NAPB: variants seen among roughly 807,000 people sequenced by gnomAD.
The protein encoded by NAPB is beta-soluble NSF attachment protein.
In NAPB, 26 loss-of-function variants were observed where a neutral mutation model predicts 44.7. The ratio of observed to expected loss-of-function variants is 0.58; its 90% CI spans 0.43 to 0.81. The LOEUF (loss-of-function observed/expected upper bound fraction) is 0.81. Among genes scored for constraint, NAPB ranks in the 30% least tolerant of loss-of-function variants. NAPB has a pLI of 0.00. For missense variants in NAPB, 315 were observed against 356.4 expected (o/e 0.88, Z 0.94); for synonymous variants, 120 against 116.8 (o/e 1.03, Z -0.18).
intron 8 of NAPB, chr20:23,380,624 G>C (rs1179095293): frequency 6.6e-6 from 1 of 152,562 alleles, no homozygotes; most frequent in Non-Finnish European, 1.5e-5. Flanking sequence ...ACAGGTTCAA[G>C]TGATTCTCCT....
chr20:23,397,348 T>C, intron 2 of NAPB, 160 bp from the exon 3 acceptor site: 1 of 831,976 alleles, frequency 1.2e-6, no homozygotes, highest in Non-Finnish European at 1.7e-6. Context: ...CGGGCAAATA[T>C]AAAAATAACC....
At chr20:23,407,440 TA>T (rs1985332637) in intron 1 of NAPB, among the ~76,000 whole-genome samples, 1 of 149,630 alleles carries the variant, frequency 6.7e-6, no homozygotes, top group Non-Finnish European at 1.5e-5. Flanking sequence ...TAAACTGAGC[TA>T]AATTAACTAT....
At chr20:23,383,928 T>C (rs989024738) in intron 7 of NAPB, among the ~76,000 whole-genome samples, 10 of 151,890 alleles carry the variant, frequency 6.6e-5, no homozygotes, top group Admixed American at 1.3e-4. Flanking sequence ...GAAAGGGAGG[T>C]AAGATTTCTA....
chr20:23,402,938 T>A, intron 2 of NAPB, 55 bp downstream of exon 2: 1 of 1,396,870 alleles, frequency 7.2e-7, no homozygotes, highest in Non-Finnish European at 1.0e-6. Flanking sequence ...CATTTCTCCC[T>A]TCAAAGTGAT....
Position 23,421,287 on chromosome 20 carries a change from G to C in NAPB, c.98+18C>G. 6.6e-7 allele frequency: 1 copy of C among 1,523,908 alleles called. No homozygotes were observed. The highest frequency in any genetic ancestry group is 8.9e-7 in the Non-Finnish European group (1 of 1,126,372). The allele number at this position is 1,523,908 out of a possible 1,614,324, so 94.4% of individuals were successfully genotyped here. A position where few individuals can be genotyped will look rare whatever the true frequency, so the allele number is the denominator to read the frequency against. On this transcript the variant is annotated intron_variant, in intron 1 of 10. Coordinates refer to ENST00000377026, the MANE Select transcript of NAPB (RefSeq NM_022080.3). The stretch of plus-strand genomic sequence containing the variant: ...CGGAGACCCCCCCCCCCCAGGGCAC[G>C]CACGGTCTGGCGCTCACCCAAACAG...
chr20:23,389,036 A>G (rs1460811363), intron 7 of NAPB, among the ~76,000 whole-genome samples: 4 of 152,076 alleles, frequency 2.6e-5, no homozygotes, highest in Non-Finnish European at 4.4e-5. Flanking sequence ...TATATAAAGA[A>G]CACCTAAAAC....
At position 23,395,237 on chromosome 20, in the gene NAPB, G is replaced by A. The variant is rs1422781597; in HGVS notation, c.296-52C>T. 3 of 1,592,138 alleles carry A rather than the reference G, an allele frequency of 1.9e-6. No homozygotes were observed. The Admixed American group carries it at 5.0e-5, about 27-fold the overall frequency. On this transcript the variant is annotated intron_variant, in intron 3 of 10. Transcript: ENST00000377026. ...AATGAAAAATCCATTCAGTCAAAGA[G>A]GGTTCAGGTGAGGCTGTCTTCCTGG...
intron 7 of NAPB, among the ~76,000 whole-genome samples, chr20:23,385,104 G>A (rs1232095443): frequency 6.6e-6 from 1 of 150,494 alleles, no homozygotes; most frequent in Non-Finnish European, 1.5e-5. Flanking sequence ...AGGAGACAGA[G>A]CAAGACTCTG....
intron 7 of NAPB, 57 bp downstream of exon 7, chr20:23,389,889 T>G: frequency 6.6e-7 from 1 of 1,506,122 alleles, no homozygotes; most frequent in Non-Finnish European, 9.1e-7. Flanking sequence ...AATAAAAAGT[T>G]TAATTTTGAA....
chr20:23,400,161 G>A (rs971609587), intron 2 of NAPB, among the ~76,000 whole-genome samples: 1 of 152,068 alleles, frequency 6.6e-6, no homozygotes, highest in South Asian at 2.1e-4. Context: ...CGAGTTGCTG[G>A]CTTACTTTTT....
rs1261587337 is a variant in NAPB at position 23,395,183 on chromosome 20, C to A, written c.298G>T (p.Ala100Ser). 3 of 1,614,118 alleles carry A rather than the reference C, an allele frequency of 1.9e-6. No individual in the cohort carries two copies. In the South Asian group the frequency reaches 3.3e-5, roughly 18 times the overall value. The change falls in exon 4 of 11, where the codon GCT becomes TCT. Residue 100 changes from alanine (A) to serine (S), a missense_variant and splice_region_variant. Coordinates refer to ENST00000377026, the MANE Select transcript of NAPB (RefSeq NM_022080.3). ...NAYKKADPQE[A>S]INCLNAAIDI... Reference sequence around the variant, plus strand: ...ATGGCTGCATTTAAGCAGTTGATAGCCTCTGAAGCGTAGGCATTTAAGAAA... The same window carrying A: ...ATGGCTGCATTTAAGCAGTTGATAGACTCTGAAGCGTAGGCATTTAAGAAA...
At chr20:23,381,592 C>A (rs78361113) in intron 7 of NAPB, among the ~76,000 whole-genome samples, 38 of 152,288 alleles carry the variant, frequency 2.5e-4, no homozygotes, top group African/African-American at 8.9e-4. Flanking sequence ...CTAAGCACTA[C>A]TAAAAGCCCA....
intron 7 of NAPB, among the ~76,000 whole-genome samples, chr20:23,389,698 A>G (rs1292613979): frequency 2.0e-5 from 3 of 152,210 alleles, no homozygotes; most frequent in Non-Finnish European, 4.4e-5. Context: ...ATATAGACAG[A>G]GAGTAGATTG....
At chr20:23,409,173 G>A (rs1253676627) in intron 1 of NAPB, among the ~76,000 whole-genome samples, 2 of 152,180 alleles carry the variant, frequency 1.3e-5, no homozygotes, top group Non-Finnish European at 2.9e-5. Context: ...AAGCCAGCTA[G>A]CACTGTACCA....
At chr20:23,414,160 A>G (rs1985847890) in intron 1 of NAPB, among the ~76,000 whole-genome samples, 1 of 152,028 alleles carries the variant, frequency 6.6e-6, no homozygotes, top group Non-Finnish European at 1.5e-5. Context: ...CATATCTAAT[A>G]AAAATACAAA....
At chr20:23,416,361 A>G (rs1986004369) in intron 1 of NAPB, among the ~76,000 whole-genome samples, 1 of 152,212 alleles carries the variant, frequency 6.6e-6, no homozygotes. Flanking sequence ...TCAGAAAACC[A>G]AACAATTATA....
intron 7 of NAPB, among the ~76,000 whole-genome samples, chr20:23,385,763 A>AAG (rs11468639): frequency 1.3e-3 from 195 of 149,262 alleles, no homozygotes; most frequent in African/African-American, 2.7e-3. Context: ...GAAAGAGAGA[A>AAG]AGAGAGAGAG....
chr20:23,386,731 A>C (rs1253965569), intron 7 of NAPB, among the ~76,000 whole-genome samples: 2 of 152,184 alleles, frequency 1.3e-5, no homozygotes, highest in African/African-American at 4.8e-5. Context: ...ACATAACTCC[A>C]CTGAGAGCCG....
intron 2 of NAPB, among the ~76,000 whole-genome samples, chr20:23,402,426 G>A (rs946687426): frequency 1.3e-5 from 2 of 152,108 alleles, no homozygotes; most frequent in African/African-American, 4.8e-5. Context: ...TGTTATGCCC[G>A]GTCTCACTGG....
Sources: allele counts gnomAD v4.1 joint callset (sites outside exome capture counted in the v4.1 genomes callset), GRCh38; gene constraint gnomAD v4.1.1; transcripts MANE v1.5; gene names NCBI Gene and HGNC (gene_info 2026-07-23, HGNC 2026-07-21).